The following DMRT1 variants were observed in gnomAD, a reference collection of about 807,000 sequenced individuals.
DMRT1 encodes the protein doublesex- and mab-3-related transcription factor 1.
Under a neutral mutation model 32.3 loss-of-function variants are expected in DMRT1, and 7 were observed. The observed-to-expected ratio is 0.22, with a 90% CI of 0.12 to 0.41. The LOEUF is 0.41. Ranked by LOEUF, DMRT1 falls within the 10% of genes least tolerant of loss-of-function variation. DMRT1 has a pLI of 1.00. For synonymous variants in DMRT1, 278 were observed against 206.1 expected (o/e 1.35, Z -2.99); for missense variants, 625 against 500.5 (o/e 1.25, Z -2.37).
At chr9:877,135 G>A (rs562839466) in intron 2 of DMRT1, among the ~76,000 whole-genome samples, 2 of 152,196 alleles carry the variant, frequency 1.3e-5, no homozygotes, top group Non-Finnish European at 2.9e-5. Flanking sequence ...TTAATTCTCT[G>A]TGGTTCACCT....
At chr9:845,020 C>G (rs1838847539) in intron 1 of DMRT1, among the ~76,000 whole-genome samples, 1 of 152,170 alleles carries the variant, frequency 6.6e-6, no homozygotes, top group South Asian at 2.1e-4. Flanking sequence ...CTGCGCCCGG[C>G]CTGTAGTTGT....
chr9:889,286 T>C (rs866746923), intron 2 of DMRT1, among the ~76,000 whole-genome samples: 1 of 152,270 alleles, frequency 6.6e-6, no homozygotes, highest in Non-Finnish European at 1.5e-5. Flanking sequence ...CGGTGGTTTA[T>C]ACACATAGTA....
At chr9:964,929 G>A (rs930701820) in intron 4 of DMRT1, among the ~76,000 whole-genome samples, 5 of 152,178 alleles carry the variant, frequency 3.3e-5, no homozygotes, top group African/African-American at 4.8e-5. Flanking sequence ...TTTACAAAAT[G>A]ACCTAAGACA....
chr9:923,848 A>G (rs988882849), intron 4 of DMRT1, among the ~76,000 whole-genome samples: 19 of 152,336 alleles, frequency 1.2e-4, no homozygotes, highest in Admixed American at 1.2e-3. Context: ...ACATTTTAGA[A>G]ACGACTTATT....
In DMRT1 at chr9:965,906, T is replaced by C. The variant is rs1819916042; in HGVS notation, c.968-2079T>C. 6.6e-6 allele frequency among the ~76,000 whole-genome samples: 1 copy of C among 152,200 alleles called. No individual in the cohort carries two copies. The highest frequency in any genetic ancestry group is 2.4e-5 in the African/African-American group (1 of 41,442). On this transcript the variant is annotated intron_variant, in intron 4 of 4. Coordinates refer to ENST00000382276, the MANE Select transcript of DMRT1 (RefSeq NM_021951.3). This position sits in a 1 kb window ranked among gnomAD's most constrained non-coding sequence, Gnocchi z 4.5. ...AGAGTAATTCTCTCAGTGAATGGTT[T>C]GAGGGTGAAATACCTCACTAAAGTA...
intron 3 of DMRT1, among the ~76,000 whole-genome samples, chr9:909,282 G>A (rs567616698): frequency 1.3e-4 from 20 of 152,286 alleles, no homozygotes; most frequent in African/African-American, 4.6e-4. Context: ...TCTGAAATGT[G>A]TGCATAATAG....
chr9:942,429 A>G (rs755877088), intron 4 of DMRT1, among the ~76,000 whole-genome samples: 19 of 152,186 alleles, frequency 1.2e-4, no homozygotes, highest in Non-Finnish European at 2.2e-4. Flanking sequence ...GCGTGCCACC[A>G]CACCCAGCTA....
At chr9:910,893 G>A (rs1489594865) in intron 3 of DMRT1, among the ~76,000 whole-genome samples, 1 of 152,036 alleles carries the variant, frequency 6.6e-6, no homozygotes, top group African/African-American at 2.4e-5. Context: ...TTATTTATTT[G>A]CTTAGCTTGA....
At chr9:877,035 G>GCTCAGAAGAGGCTGCCTCAGCCATGGTC in intron 2 of DMRT1, among the ~76,000 whole-genome samples, 18 of 152,256 alleles carry the variant, frequency 1.2e-4, no homozygotes, top group Middle Eastern at 3.4e-3. Flanking sequence ...CCTCAGACTT[G>GCTCAGAAGAGGCTGCCTCAGCCATGGTC]CCACTTGAAC....
chr9:962,720 TC>T (rs1819815158), intron 4 of DMRT1, among the ~76,000 whole-genome samples: 1 of 152,100 alleles, frequency 6.6e-6, no homozygotes, highest in Non-Finnish European at 1.5e-5. Context: ...TTCTTTCTCT[TC>T]CCTTTTTGCA....
At chr9:905,629 C>G (rs1337311754) in intron 3 of DMRT1, among the ~76,000 whole-genome samples, 1 of 152,104 alleles carries the variant, frequency 6.6e-6, no homozygotes, top group Non-Finnish European at 1.5e-5. Flanking sequence ...AGGAGTCTTT[C>G]ATTGCGGTGC....
At chr9:861,928 A>T (rs12156649) in intron 2 of DMRT1, among the ~76,000 whole-genome samples, 1 of 138,792 alleles carries the variant, frequency 7.2e-6, no homozygotes, top group Admixed American at 7.0e-5. Context: ...AGGCGCTCCC[A>T]ACATCCCAGA....
At chr9:912,062 G>A (rs1410411207) in intron 3 of DMRT1, among the ~76,000 whole-genome samples, 2 of 152,174 alleles carry the variant, frequency 1.3e-5, no homozygotes, top group Non-Finnish European at 2.9e-5. Context: ...CTGGGGAGGC[G>A]TCAGGAAACT....
intron 2 of DMRT1, among the ~76,000 whole-genome samples, chr9:887,594 G>T (rs751667944): frequency 6.6e-6 from 1 of 152,086 alleles, no homozygotes; most frequent in Non-Finnish European, 1.5e-5. Context: ...TGGCTGGAGC[G>T]CGTCTTGTCC....
At chr9:952,859 T>C (rs1007414572) in intron 4 of DMRT1, among the ~76,000 whole-genome samples, 6 of 152,228 alleles carry the variant, frequency 3.9e-5, no homozygotes, top group Non-Finnish European at 7.3e-5. Context: ...ATTAATTATA[T>C]TGTGACCAAA....
intron 2 of DMRT1, among the ~76,000 whole-genome samples, chr9:857,830 T>C (rs919086329): frequency 1.3e-4 from 18 of 133,574 alleles, no homozygotes; most frequent in African/African-American, 4.8e-4. Flanking sequence ...CCTGTGTCCA[T>C]GTGTTCTCAT....
At chr9:870,765 G>T (rs974086152) in intron 2 of DMRT1, among the ~76,000 whole-genome samples, 30 of 130,730 alleles carry the variant, frequency 2.3e-4, no homozygotes, top group Non-Finnish European at 4.3e-4. Flanking sequence ...ACGCTGGAGT[G>T]CAGTGGTGTG....
intron 3 of DMRT1, chr9:894,668 G>C (rs920528535): frequency 7.7e-6 from 2 of 260,830 alleles, no homozygotes; most frequent in African/African-American, 4.4e-5. Flanking sequence ...ACCTTGGGAA[G>C]GAAACAGGTC....
chr9:954,326 C>T (rs1356688142), intron 4 of DMRT1, among the ~76,000 whole-genome samples: 1 of 151,974 alleles, frequency 6.6e-6, no homozygotes, highest in African/African-American at 2.4e-5. Flanking sequence ...CCGGATAGGG[C>T]ACCAGATGCT....
Sources: gnomAD v4.1 joint callset for allele counts (sites outside exome capture counted in the v4.1 genomes callset) on GRCh38, gnomAD v4.1.1 for gene constraint, Gnocchi (gnomAD v3.1) non-coding constraint, MANE v1.5 for transcripts, NCBI Gene and HGNC (gene_info 2026-07-23, HGNC 2026-07-21) for gene names.